RSU1: variants seen among roughly 807,000 people sequenced by gnomAD.
RSU1 encodes rsu-1.
In RSU1, 26 loss-of-function variants were observed where a neutral mutation model predicts 31.1. The observed-to-expected ratio is 0.84, with a 90% CI of 0.61 to 1.16. RSU1 has a LOEUF of 1.16. Among genes scored for constraint, RSU1 ranks in the 50% most tolerant of loss-of-function variants. RSU1 has a pLI of 0.00. For synonymous variants in RSU1, 164 were observed against 136.3 expected (o/e 1.20, Z -1.41); for missense variants, 320 against 339.1 (o/e 0.94, Z 0.44).
rs1554767079 is a variant in RSU1, at chr10:16,695,167, G to GA, written c.599-13dup. The stretch of plus-strand genomic sequence containing the variant: ...TAAATCCAAGTTTCCTGGGGGGGGG[G>GA]AAAAAAAAAGTGAAGGTCACTTCAT... On this transcript the variant is annotated splice_polypyrimidine_tract_variant and intron_variant, in intron 7 of 8. Transcript: ENST00000345264. 7.2e-3 allele frequency: 9,552 copies of GA among 1,320,278 alleles called. 328 individuals carry two copies. In the African/African-American group the frequency reaches 0.099, roughly 14 times the overall value. 81.8% of individuals were successfully genotyped at this position (1,320,278 alleles called of 1,614,324 possible). A position where few individuals can be genotyped will look rare whatever the true frequency, so the allele number is the denominator to read the frequency against.
intron 7 of RSU1, 143 bp from the exon 8 acceptor site, chr10:16,695,298 T>C (rs1157332817): frequency 4.2e-6 from 3 of 720,886 alleles, no homozygotes; most frequent in Non-Finnish European, 6.4e-6. Flanking sequence ...TTAAATTTCT[T>C]AACCCAAGTC....
At chr10:16,647,381 G>A (rs1049871376) in intron 8 of RSU1, among the ~76,000 whole-genome samples, 10 of 152,156 alleles carry the variant, frequency 6.6e-5, no homozygotes, top group South Asian at 2.1e-4. Flanking sequence ...CATTTGACCC[G>A]GCAATTCCAC....
chr10:16,817,118 G>C lies in RSU1; in HGVS notation c.-3-34C>G, dbSNP rs780971321. The C allele has an allele frequency of 6.8e-6, 10 of 1,467,774 alleles. 1 individual carries two copies. The South Asian group carries it at 1.1e-4, about 17-fold the overall frequency. 90.9% of individuals were successfully genotyped at this position (1,467,774 alleles called of 1,614,324 possible). A position where few individuals can be genotyped will look rare whatever the true frequency, so the allele number is the denominator to read the frequency against. On this transcript the variant is annotated intron_variant, in intron 1 of 8. Coordinates refer to ENST00000345264, the MANE Select transcript of RSU1 (RefSeq NM_012425.4). ...AACAACAACAAAGCACGTGGGCGATGACAGCAAGCGCAGAGGCGGAAAGGC... is the reference window on the plus strand; with the variant it reads ...AACAACAACAAAGCACGTGGGCGATCACAGCAAGCGCAGAGGCGGAAAGGC...
intron 8 of RSU1, among the ~76,000 whole-genome samples, chr10:16,692,339 A>T (rs111280820): frequency 0.014 from 2,188 of 152,310 alleles, 54 homozygotes; most frequent in African/African-American, 0.048. Flanking sequence ...AAAATCCAGA[A>T]ACTCACAATT....
chr10:16,684,150 A>G (rs1054059607), intron 8 of RSU1, among the ~76,000 whole-genome samples: 1 of 152,162 alleles, frequency 6.6e-6, no homozygotes, highest in Non-Finnish European at 1.5e-5. Flanking sequence ...GCTAGCAGAG[A>G]TTCTTTACAG....
intron 2 of RSU1, among the ~76,000 whole-genome samples, chr10:16,784,848 G>A (rs1420012989): frequency 6.6e-6 from 1 of 152,148 alleles, no homozygotes; most frequent in Non-Finnish European, 1.5e-5. Context: ...TAGGAATTAT[G>A]GGAGCTATAA....
At chr10:16,710,230 T>C (rs1375650493) in intron 7 of RSU1, among the ~76,000 whole-genome samples, 1 of 152,228 alleles carries the variant, frequency 6.6e-6, no homozygotes, top group African/African-American at 2.4e-5. Flanking sequence ...TGTTGAAGGA[T>C]GTCAAATGCT....
At chr10:16,658,549 C>T (rs1834830700) in intron 8 of RSU1, among the ~76,000 whole-genome samples, 1 of 152,070 alleles carries the variant, frequency 6.6e-6, no homozygotes, top group Non-Finnish European at 1.5e-5. Flanking sequence ...CATGGTGAAA[C>T]CCCGTCTCTA....
At chr10:16,776,312 T>C (rs537614984) in intron 3 of RSU1, among the ~76,000 whole-genome samples, 15 of 152,346 alleles carry the variant, frequency 9.8e-5, no homozygotes, top group African/African-American at 2.6e-4. Context: ...ATATGACTTA[T>C]GGTAGATAAT....
intron 7 of RSU1, among the ~76,000 whole-genome samples, chr10:16,730,237 C>T (rs1322949063): frequency 4.6e-5 from 7 of 152,300 alleles, no homozygotes; most frequent in African/African-American, 1.7e-4. Flanking sequence ...GGATCCGCCC[C>T]AATGTCCCAA....
At chr10:16,733,486 T>G (rs1296797511) in intron 7 of RSU1, among the ~76,000 whole-genome samples, 1 of 151,908 alleles carries the variant, frequency 6.6e-6, no homozygotes, top group African/African-American at 2.4e-5. Flanking sequence ...CCAGCTTGGG[T>G]GACAGAGTGA....
chr10:16,630,012 C>A (rs751182419), intron 8 of RSU1, among the ~76,000 whole-genome samples: 1 of 152,218 alleles, frequency 6.6e-6, no homozygotes, highest in South Asian at 2.1e-4. Flanking sequence ...AAAAATCCCA[C>A]GGAATCCCCA....
chr10:16,814,268 C>T (rs1440389114), intron 2 of RSU1, among the ~76,000 whole-genome samples: 1 of 151,844 alleles, frequency 6.6e-6, no homozygotes, highest in East Asian at 1.9e-4. Flanking sequence ...AGCAAGACCC[C>T]ATCTCTACAA....
chr10:16,741,372 ATGGACGGAT>A (rs1277712884), intron 7 of RSU1, among the ~76,000 whole-genome samples: 2 of 152,188 alleles, frequency 1.3e-5, no homozygotes, highest in Non-Finnish European at 2.9e-5. Flanking sequence ...GCTAGGAGAG[ATGGACGGAT>A]TGGAGTGGGA....
rs776323255 is a variant in RSU1, at chr10:16,645,892, A to G, written c.731+49131T>C. Among the ~76,000 whole-genome samples the G allele has an allele frequency of 2.4e-3, 165 of 69,486 alleles. 44 individuals are homozygous for G. The highest frequency in any genetic ancestry group is 0.01 in the African/African-American group (149 of 14,818). 45.6% of individuals were successfully genotyped at this position (69,486 alleles called of 152,430 possible). ...TATACATATATGTGTATATACATAT[A>G]TGTATATACACATATATGTATATAT... On this transcript the variant is annotated intron_variant, in intron 8 of 8. Coordinates refer to ENST00000345264, the MANE Select transcript of RSU1 (RefSeq NM_012425.4).
intron 2 of RSU1, among the ~76,000 whole-genome samples, chr10:16,784,843 A>G (rs760581200): frequency 1.3e-5 from 2 of 152,200 alleles, no homozygotes; most frequent in Non-Finnish European, 2.9e-5. Context: ...ACATGTAGGA[A>G]TTATGGGAGC....
rs116705174 is a variant in RSU1, at chr10:16,804,808, G to A, written c.109+12165C>T. 8.8e-3 allele frequency among the ~76,000 whole-genome samples: 1,340 copies of A among 152,268 alleles called. 13 individuals carry two copies. Among genetic ancestry groups the A allele is most frequent in the African/African-American group, 0.03 (1,258 of 41,544 alleles). On this transcript the variant is annotated intron_variant, in intron 2 of 8. Coordinates refer to ENST00000345264, the MANE Select transcript of RSU1 (RefSeq NM_012425.4). ...CTGTAACATTTCAGTGGTTGTCTGA[G>A]GTTTTGGAGGTAGATAATGAGGGAG...
intron 8 of RSU1, among the ~76,000 whole-genome samples, chr10:16,642,022 T>C (rs1486530495): frequency 6.6e-6 from 1 of 152,216 alleles, no homozygotes; most frequent in Non-Finnish European, 1.5e-5. Flanking sequence ...TTTCATAAAC[T>C]TGGTATTACA....
chr10:16,790,237 G>A (rs566296973), intron 2 of RSU1, among the ~76,000 whole-genome samples: 6 of 152,268 alleles, frequency 3.9e-5, no homozygotes, highest in East Asian at 1.9e-4. Context: ...CACTCAGAGC[G>A]CCGGCCGTCT....
Sources: gnomAD v4.1 joint callset for allele counts (sites outside exome capture counted in the v4.1 genomes callset) on GRCh38, gnomAD v4.1.1 for gene constraint, MANE v1.5 for transcripts, NCBI Gene and HGNC (gene_info 2026-07-23, HGNC 2026-07-21) for gene names.